The following CDH13 variants were observed in gnomAD, a reference collection of about 807,000 sequenced individuals.
CDH13 encodes the protein cadherin 13.
In CDH13, 24 loss-of-function variants were observed where a neutral mutation model predicts 63.8. The ratio of observed to expected loss-of-function variants is 0.38; its 90% confidence interval spans 0.27 to 0.53. CDH13 has a LOEUF of 0.53. CDH13 is among the 20% of genes least tolerant of loss of function. CDH13 has a pLI of 0.85. For synonymous variants in CDH13, 503 were observed against 355.3 expected (o/e 1.42, Z -4.67); for missense variants, 1,049 against 903.1 (o/e 1.16, Z -2.07).
rs57696837 is a variant in CDH13, at chr16:83,482,310, C to G, written c.782-4167C>G. Among the ~76,000 whole-genome samples, 18 of 152,308 alleles carry G rather than the reference C, an allele frequency of 1.2e-4. No homozygotes were observed. The East Asian group carries it at 2.7e-3, about 23-fold the overall frequency. On this transcript the variant is annotated intron_variant, in intron 6 of 13. Transcript: ENST00000567109. ...GTCTATACCCTCCAAGAGCTCACAT[C>G]TAGGACCATGTGGCCCATCACAAAA...
At chr16:83,147,499 T>A (rs1423597636) in intron 4 of CDH13, among the ~76,000 whole-genome samples, 1 of 152,226 alleles carries the variant, frequency 6.6e-6, no homozygotes, top group Non-Finnish European at 1.5e-5. Context: ...TGCCTTATCC[T>A]GCAGCCACAG....
chr16:82,693,737 T>C (rs1230825421), intron 1 of CDH13, among the ~76,000 whole-genome samples: 1 of 152,226 alleles, frequency 6.6e-6, no homozygotes, highest in Non-Finnish European at 1.5e-5. Flanking sequence ...CTATTGCCTA[T>C]TGCCACTTGA....
intron 4 of CDH13, among the ~76,000 whole-genome samples, chr16:83,142,790 GTC>G (rs986857294): frequency 3.3e-4 from 50 of 152,220 alleles, no homozygotes; most frequent in African/African-American, 1.2e-3. Flanking sequence ...AACTCCAGTG[GTC>G]TCTCTACAAG....
intron 13 of CDH13, among the ~76,000 whole-genome samples, chr16:83,787,996 G>A (rs1216455890): frequency 2.0e-5 from 3 of 152,182 alleles, no homozygotes; most frequent in Non-Finnish European, 4.4e-5. Context: ...TGGATAAATC[G>A]GAGAGCAGTA....
chr16:82,916,301 T>C (rs1225220878), intron 2 of CDH13, among the ~76,000 whole-genome samples: 1 of 151,984 alleles, frequency 6.6e-6, no homozygotes, highest in Non-Finnish European at 1.5e-5. Flanking sequence ...CCTGGCCGGG[T>C]GCCGTAGCTC....
intron 4 of CDH13, among the ~76,000 whole-genome samples, chr16:83,187,127 C>T (rs1027933821): frequency 1.3e-5 from 2 of 152,116 alleles, no homozygotes; most frequent in African/African-American, 4.8e-5. Context: ...CCTGCCACCA[C>T]ACACAACTAA....
chr16:83,232,809 C>G (rs561547801), intron 5 of CDH13, among the ~76,000 whole-genome samples: 76 of 152,224 alleles, frequency 5.0e-4, no homozygotes, highest in African/African-American at 1.8e-3. Flanking sequence ...CTAACACAAA[C>G]CCTCATATTT....
At chr16:82,687,264 A>G (rs1057313496) in intron 1 of CDH13, among the ~76,000 whole-genome samples, 6 of 152,192 alleles carry the variant, frequency 3.9e-5, no homozygotes, top group African/African-American at 1.4e-4. Flanking sequence ...AGGGGTAACT[A>G]AATCTTAACT....
intron 1 of CDH13, among the ~76,000 whole-genome samples, chr16:82,628,280 G>T (rs1380315370): frequency 6.6e-6 from 1 of 152,202 alleles, no homozygotes; most frequent in African/African-American, 2.4e-5. Context: ...GCCGGGCAGA[G>T]TAAGGAGGGA....
At position 83,446,896 on chromosome 16, in the gene CDH13, C is replaced by T. The variant is rs1468505357; in HGVS notation, c.782-39581C>T. 2.6e-5 allele frequency among the ~76,000 whole-genome samples: 4 copies of T among 151,422 alleles called. No homozygotes were observed. In the South Asian group the frequency reaches 6.3e-4, roughly 24 times the overall value. On this transcript the variant is annotated intron_variant, in intron 6 of 13. Coordinates refer to ENST00000567109, the MANE Select transcript of CDH13 (RefSeq NM_001257.5). ...TTATAATAAAATAAAAGCTGGGGAC[C>T]ATGTTTACCTCTATCTCAAGTGTTA...
Position 83,163,898 on chromosome 16 carries a change from C to T in CDH13, c.483+38397C>T, listed in dbSNP as rs1301240163. On this transcript the variant is annotated intron_variant, in intron 4 of 13. Coordinates refer to ENST00000567109, the MANE Select transcript of CDH13 (RefSeq NM_001257.5). ...CCCATCCTAACCAATAAAACCTCGT[C>T]GCTGTCAACATCATCATCATCATCG... Among the ~76,000 whole-genome samples, 3 of 152,074 alleles carry T rather than the reference C, an allele frequency of 2.0e-5. No homozygotes were observed. The South Asian group carries it at 6.2e-4, about 32-fold the overall frequency.
intron 1 of CDH13, among the ~76,000 whole-genome samples, chr16:82,848,770 T>G (rs1597792349): frequency 6.6e-6 from 1 of 152,346 alleles, no homozygotes; most frequent in East Asian, 1.9e-4. Flanking sequence ...AAGTACTTTC[T>G]TTGCCTCTAA....
chr16:83,143,587 A>C (rs1217417444), intron 4 of CDH13, among the ~76,000 whole-genome samples: 4 of 152,182 alleles, frequency 2.6e-5, no homozygotes, highest in Non-Finnish European at 5.9e-5. Context: ...TCTTAAACAG[A>C]AGTTAACATA....
intron 8 of CDH13, among the ~76,000 whole-genome samples, chr16:83,664,787 T>C (rs73248727): frequency 0.075 from 11,352 of 152,168 alleles, 690 homozygotes; most frequent in African/African-American, 0.17. Context: ...GCATCCATAA[T>C]TGGCCACAGG....
At chr16:83,741,049 G>C (rs1597156680) in intron 10 of CDH13, among the ~76,000 whole-genome samples, 1 of 152,200 alleles carries the variant, frequency 6.6e-6, no homozygotes, top group Admixed American at 6.5e-5. Flanking sequence ...TGCTTTCTTT[G>C]GCTCTGGTTT....
chr16:83,183,016 C>G (rs1597479354), intron 4 of CDH13, among the ~76,000 whole-genome samples: 1 of 151,976 alleles, frequency 6.6e-6, no homozygotes, highest in African/African-American at 2.4e-5. Context: ...TAAAAAAAAA[C>G]TGTGACCTGC....
intron 7 of CDH13, among the ~76,000 whole-genome samples, chr16:83,563,860 T>G (rs2075747958): frequency 6.6e-6 from 1 of 152,134 alleles, no homozygotes; most frequent in African/African-American, 2.4e-5. Context: ...ATCCAGAAAC[T>G]GAAGTGGGAT....
At chr16:83,536,181 C>T (rs2075183357) in intron 7 of CDH13, among the ~76,000 whole-genome samples, 1 of 152,138 alleles carries the variant, frequency 6.6e-6, no homozygotes, top group African/African-American at 2.4e-5. Context: ...ACTATGATAG[C>T]GGCTATGGGG....
At position 83,454,721 on chromosome 16, in the gene CDH13, T is replaced by C. The variant is rs933726904; in HGVS notation, c.782-31756T>C. Among the ~76,000 whole-genome samples the C allele has an allele frequency of 5.3e-5, 8 of 152,132 alleles. No individual in the cohort carries two copies. In the East Asian group the frequency reaches 1.2e-3, roughly 22 times the overall value. ...CCTAAATATGTTCTATTGATTTTTT[T>C]TTTTTGATATAGAGTCTTGCTATTA... is the stretch of plus-strand genomic sequence containing the variant. On this transcript the variant is annotated intron_variant, in intron 6 of 13. Transcript: ENST00000567109.
Sources: gnomAD v4.1 joint callset for allele counts (sites outside exome capture counted in the v4.1 genomes callset) on GRCh38, gnomAD v4.1.1 for gene constraint, MANE v1.5 for transcripts, NCBI Gene and HGNC (gene_info 2026-07-23, HGNC 2026-07-21) for gene names.